DPY19L3: variants seen among roughly 807,000 people sequenced by gnomAD.
DPY19L3 encodes protein C-mannosyl-transferase DPY19L3.
In DPY19L3, 51 loss-of-function variants were observed where a neutral mutation model predicts 92.3. The ratio of observed to expected loss-of-function variants is 0.55; its 90% CI spans 0.44 to 0.70. DPY19L3 has a LOEUF of 0.70. DPY19L3 is among the 30% of genes least tolerant of loss of function. The probability of loss-of-function intolerance (pLI) is 0.00; values close to 1 mark genes in which losing one functional copy is unlikely to be tolerated. For synonymous variants in DPY19L3, 309 were observed against 315.2 expected (o/e 0.98, Z 0.21); for missense variants, 706 against 855.9 (o/e 0.82, Z 2.18).
At chr19:32,421,647 GA>G (rs952343655) in intron 3 of DPY19L3, among the ~76,000 whole-genome samples, 2 of 31,224 alleles carry the variant, frequency 6.4e-5, no homozygotes, top group Non-Finnish European at 1.9e-4. Context: ...AAAAAAAAAA[GA>G]GAGAGGAGTC....
At chr19:32,459,911 T>C (rs910397412) in intron 12 of DPY19L3, among the ~76,000 whole-genome samples, 4 of 152,200 alleles carry the variant, frequency 2.6e-5, no homozygotes, top group Non-Finnish European at 5.9e-5. Flanking sequence ...TATTAGGCGA[T>C]TTTATCATTG....
At chr19:32,430,655 CTA>C (rs1251942608) in intron 3 of DPY19L3, among the ~76,000 whole-genome samples, 2 of 151,998 alleles carry the variant, frequency 1.3e-5, no homozygotes, top group Admixed American at 1.3e-4. Context: ...GGGTCTCGCT[CTA>C]TCATCCAGGC....
At chr19:32,445,734 C>G (rs935166364) in intron 8 of DPY19L3, among the ~76,000 whole-genome samples, 2 of 152,110 alleles carry the variant, frequency 1.3e-5, no homozygotes, top group South Asian at 2.1e-4. Flanking sequence ...GGCGTCGTGG[C>G]TCACACCTGT....
chr19:32,459,384 G>C (rs1357027026), intron 12 of DPY19L3, among the ~76,000 whole-genome samples: 1 of 152,170 alleles, frequency 6.6e-6, no homozygotes, highest in East Asian at 1.9e-4. Flanking sequence ...TAATGTGCTG[G>C]TGAACTGTGA....
chr19:32,461,105 A>C (rs543533464), intron 12 of DPY19L3, among the ~76,000 whole-genome samples: 1 of 152,192 alleles, frequency 6.6e-6, no homozygotes, highest in Non-Finnish European at 1.5e-5. Flanking sequence ...ACCTCAAGTG[A>C]TCTGCCTGCC....
chr19:32,425,276 G>T (rs1290877213), intron 3 of DPY19L3, among the ~76,000 whole-genome samples: 1 of 152,124 alleles, frequency 6.6e-6, no homozygotes, highest in East Asian at 1.9e-4. Flanking sequence ...ATCAGACCAG[G>T]TGCTGTGGCT....
rs1285123952 is a variant in DPY19L3 at position 32,427,514 on chromosome 19, C to T, written c.238-5202C>T. 3.3e-5 allele frequency among the ~76,000 whole-genome samples: 5 copies of T among 152,100 alleles called. No individual in the cohort carries two copies. The East Asian group carries it at 5.8e-4, about 18-fold the overall frequency. ...ATATTGCCGAATTTGCATGTCTTCC[C>T]ATTGAATACTCCTGCAAAGCAAGGA... On this transcript the variant is annotated intron_variant, in intron 3 of 18. Transcript: ENST00000392250.
intron 8 of DPY19L3, among the ~76,000 whole-genome samples, chr19:32,451,302 A>G (rs917395971): frequency 1.3e-5 from 2 of 152,216 alleles, no homozygotes; most frequent in Admixed American, 1.3e-4. Flanking sequence ...ACTGCTGTGA[A>G]ATCAATATTA....
At position 32,482,410 on chromosome 19, in the gene DPY19L3, A is replaced by T; in HGVS notation, c.*170A>T. 1.4e-6 allele frequency: 1 copy of T among 700,014 alleles called. No individual in the cohort carries two copies. Among genetic ancestry groups the T allele is most frequent in the Non-Finnish European group, 2.3e-6 (1 of 436,416 alleles). 43.4% of individuals were successfully genotyped at this position (700,014 alleles called of 1,614,324 possible). ...TGCCATCTTTGAAAGCATCTTCTACAAGCAGAAGTCTTTTTCGTTGTGTGT... is the reference window on the plus strand; with the variant it reads ...TGCCATCTTTGAAAGCATCTTCTACTAGCAGAAGTCTTTTTCGTTGTGTGT... On this transcript the variant is annotated 3_prime_UTR_variant, in exon 19 of 19. Coordinates refer to ENST00000392250, the MANE Select transcript of DPY19L3 (RefSeq NM_001172774.2).
intron 16 of DPY19L3, among the ~76,000 whole-genome samples, chr19:32,471,470 T>G (rs2145620750): frequency 6.6e-6 from 1 of 152,282 alleles, no homozygotes. Context: ...AGAGAAATAG[T>G]GGCCTGTGGA....
At chr19:32,427,124 G>A (rs1257989376) in intron 3 of DPY19L3, among the ~76,000 whole-genome samples, 1 of 152,232 alleles carries the variant, frequency 6.6e-6, no homozygotes, top group Non-Finnish European at 1.5e-5. Flanking sequence ...CCCTCAAGTA[G>A]CTGGAACTAC....
chr19:32,482,081 G>A lies in DPY19L3; in HGVS notation c.1992G>A (p.Met664Ile). Residue 664 changes from methionine (M) to isoleucine (I), a missense_variant and splice_region_variant, in exon 19 of 19, where the codon ATG (methionine) becomes ATA (isoleucine). By Grantham distance (10) the Met-to-Ile change is conservative. Coordinates refer to ENST00000392250, the MANE Select transcript of DPY19L3 (RefSeq NM_001172774.2). ...RDLLDIANGH[M>I]MDGPGENDPD... is the part of the protein sequence containing the mutation. ...ATTTGGGTTTGTTTTGGTTTTAGATGATGGATGGCCCAGGAGAGAATGATC... is the reference window on the plus strand; with the variant it reads ...ATTTGGGTTTGTTTTGGTTTTAGATAATGGATGGCCCAGGAGAGAATGATC... 2 of 1,606,670 alleles carry A rather than the reference G, an allele frequency of 1.2e-6. No individual in the cohort carries two copies. Among genetic ancestry groups the A allele is most frequent in the Non-Finnish European group, 1.7e-6 (2 of 1,177,974 alleles).
Position 32,408,279 on chromosome 19 carries a change from AAAT to A in DPY19L3, c.29_31del (p.Ile10del). On this transcript the variant is annotated inframe_deletion, in exon 2 of 19. Coordinates refer to ENST00000392250, the MANE Select transcript of DPY19L3 (RefSeq NM_001172774.2). Reference sequence around the variant, plus strand: ...ATGATGTCCATCCGGCAAAGAAGAGAAATAAGAGCCACAGAAGTTTCTGAAGAC... The same window carrying A: ...ATGATGTCCATCCGGCAAAGAAGAGAAAGAGCCACAGAAGTTTCTGAAGAC... 6.2e-7 allele frequency: 1 copy of A among 1,613,414 alleles called. No individual in the cohort carries two copies.
intron 8 of DPY19L3, among the ~76,000 whole-genome samples, chr19:32,452,312 GTGCT>G (rs1969727502): frequency 2.0e-5 from 3 of 152,238 alleles, no homozygotes; most frequent in African/African-American, 7.2e-5. Flanking sequence ...CCAGTGTACT[GTGCT>G]GCCTGCTATG....
At chr19:32,438,541 C>A (rs1009130674) in intron 6 of DPY19L3, among the ~76,000 whole-genome samples, 2 of 151,462 alleles carry the variant, frequency 1.3e-5, no homozygotes, top group African/African-American at 4.9e-5. Context: ...ATATAGGTAC[C>A]TTGTTTGAGA....
At chr19:32,460,412 A>T (rs1394374656) in intron 12 of DPY19L3, among the ~76,000 whole-genome samples, 1 of 152,098 alleles carries the variant, frequency 6.6e-6, no homozygotes, top group Non-Finnish European at 1.5e-5. Flanking sequence ...CCCTATCTCT[A>T]TTTTTAAAAA....
intron 3 of DPY19L3, among the ~76,000 whole-genome samples, chr19:32,428,871 G>T (rs1045542959): frequency 6.7e-6 from 1 of 149,844 alleles, no homozygotes; most frequent in African/African-American, 2.5e-5. Context: ...GTTTTGAGAC[G>T]GAGTCTCACT....
chr19:32,409,924 AAT>A (rs1968119043), intron 2 of DPY19L3, among the ~76,000 whole-genome samples: 1 of 152,226 alleles, frequency 6.6e-6, no homozygotes, highest in African/African-American at 2.4e-5. Flanking sequence ...GGAGGGGCCG[AAT>A]AGTCAAACCA....
At chr19:32,474,578 A>G (rs1386953879) in intron 16 of DPY19L3, among the ~76,000 whole-genome samples, 1 of 151,812 alleles carries the variant, frequency 6.6e-6, no homozygotes, top group Non-Finnish European at 1.5e-5. Context: ...CTGTAATGGG[A>G]GCTGTTAAGT....
Sources: allele counts gnomAD v4.1 joint callset (sites outside exome capture counted in the v4.1 genomes callset), GRCh38; gene constraint gnomAD v4.1.1; transcripts MANE v1.5; gene names NCBI Gene and HGNC (gene_info 2026-07-23, HGNC 2026-07-21).